The following CHUK variants were observed in gnomAD, a reference collection of about 807,000 sequenced individuals.
CHUK encodes inhibitor of nuclear factor kappa-B kinase subunit alpha.
CHUK carries 35 observed loss-of-function variants against 104.8 expected under a neutral mutation model. That is an observed-to-expected ratio of 0.33 (90% confidence interval 0.26 to 0.44). The LOEUF (loss-of-function observed/expected upper bound fraction) is 0.44, where lower values mean the gene tolerates loss of function less well. CHUK is among the 20% of genes least tolerant of loss of function. The pLI is 1.00. For synonymous variants in CHUK, 276 were observed against 291.9 expected (o/e 0.95, Z 0.56); for missense variants, 663 against 902.7 (o/e 0.73, Z 3.40).
chr10:100,191,762 C>T (rs1719949189), intron 19 of CHUK, among the ~76,000 whole-genome samples: 1 of 152,228 alleles, frequency 6.6e-6, no homozygotes, highest in South Asian at 2.1e-4. Flanking sequence ...TATGGTCAAA[C>T]AGTTCCCAAT....
At chr10:100,206,730 T>C (rs1845598902) in intron 11 of CHUK, among the ~76,000 whole-genome samples, 4 of 152,210 alleles carry the variant, frequency 2.6e-5, no homozygotes, top group South Asian at 2.1e-4. Context: ...AAAAGTAAGA[T>C]TACATACATT....
chr10:100,210,970 C>A (rs538125251), intron 9 of CHUK, among the ~76,000 whole-genome samples: 1 of 152,186 alleles, frequency 6.6e-6, no homozygotes, highest in African/African-American at 2.4e-5. Context: ...AAAAGCCATA[C>A]GAAATTAATG....
chr10:100,193,294 C>T lies in CHUK; in HGVS notation c.2108+4G>A. On this transcript the variant is annotated splice_donor_region_variant and intron_variant, in intron 19 of 20. Coordinates refer to ENST00000370397, the MANE Select transcript of CHUK (RefSeq NM_001278.5). ...AGCTATCTATTGTTACAAAGTAAAC[C>T]CACCCATCTTGAGGAGTTACCACAC... The T allele has an allele frequency of 1.2e-6, 2 of 1,614,038 alleles. No homozygotes were observed. The highest frequency in any genetic ancestry group is 1.1e-5 in the South Asian group (1 of 91,074).
intron 5 of CHUK, among the ~76,000 whole-genome samples, 154 bp downstream of exon 5, chr10:100,220,434 C>T (rs1016972577): frequency 1.3e-5 from 2 of 152,042 alleles, no homozygotes; most frequent in Admixed American, 6.5e-5. Flanking sequence ...GACAAAAAAA[C>T]TAAACACAAA....
intron 9 of CHUK, among the ~76,000 whole-genome samples, chr10:100,213,759 T>C (rs1171012839): frequency 1.3e-5 from 2 of 152,106 alleles, no homozygotes; most frequent in East Asian, 3.9e-4. Flanking sequence ...AGACCTCAAG[T>C]GATCTGCCTG....
chr10:100,229,408 C>A lies in CHUK; in HGVS notation c.105+20G>T, dbSNP rs922011402. 5 of 1,575,706 alleles carry A rather than the reference C, an allele frequency of 3.2e-6. No homozygotes were observed. The Middle Eastern group carries it at 6.7e-4, about 210-fold the overall frequency. Reference sequence around the variant, plus strand: ...CCGCCGCTCCAACCCACCGCCGCTCCCTCTCACGCCCCGCCTCACCCGATG... The same window carrying A: ...CCGCCGCTCCAACCCACCGCCGCTCACTCTCACGCCCCGCCTCACCCGATG... On this transcript the variant is annotated intron_variant, in intron 1 of 20. Transcript: ENST00000370397.
chr10:100,215,621 TC>T (rs1183074592), intron 9 of CHUK, among the ~76,000 whole-genome samples: 1 of 152,250 alleles, frequency 6.6e-6, no homozygotes, highest in East Asian at 1.9e-4. Flanking sequence ...CTAAAGATGT[TC>T]ATAATAAACA....
rs529652433 is a variant in CHUK at position 100,193,133 on chromosome 10, T to A, written c.2108+165A>T. ...CATTCCTGTTTTACAGGTGAGGAAA[T>A]ATGAACATCAAAAAAGTCAAGTAAG... is the stretch of plus-strand genomic sequence containing the variant. On this transcript the variant is annotated intron_variant, in intron 19 of 20. Coordinates refer to ENST00000370397, the MANE Select transcript of CHUK (RefSeq NM_001278.5). 1.8e-4 allele frequency: 134 copies of A among 730,602 alleles called. No homozygotes were observed. In the East Asian group the frequency reaches 3.5e-3, roughly 19 times the overall value. The allele number at this position is 730,602 out of a possible 1,614,324, so 45.3% of individuals were successfully genotyped here.
At chr10:100,199,836 T>C (rs2134214728) in intron 16 of CHUK, 135 bp downstream of exon 16, 1 of 725,814 alleles carries the variant, frequency 1.4e-6, no homozygotes, top group East Asian at 2.5e-5. Flanking sequence ...CATGTCTCAA[T>C]GGCAATACCA....
At chr10:100,201,262 G>A (rs1845455426) in intron 14 of CHUK, among the ~76,000 whole-genome samples, 1 of 152,128 alleles carries the variant, frequency 6.6e-6, no homozygotes, top group African/African-American at 2.4e-5. Context: ...ATTAAGGAGT[G>A]TAATAACTTA....
At chr10:100,192,056 T>C (rs981112347) in intron 19 of CHUK, among the ~76,000 whole-genome samples, 2 of 152,180 alleles carry the variant, frequency 1.3e-5, no homozygotes, top group African/African-American at 4.8e-5. Context: ...AGGCGGAGGT[T>C]GCAATGAGCC....
chr10:100,204,803 A>G, intron 12 of CHUK, 146 bp from the exon 13 acceptor site: 1 of 771,188 alleles, frequency 1.3e-6, no homozygotes. Context: ...TGAGCTCTAG[A>G]ATCTGATCTC....
In CHUK at chr10:100,189,594, C is replaced by T; in HGVS notation, c.*4G>A. ...AGGTTTGGGGACAGTGAACAAGTGA[C>T]AACTCATTCTGTTAACCAACTCCAA... On this transcript the variant is annotated 3_prime_UTR_variant, in exon 21 of 21. Transcript: ENST00000370397. The T allele has an allele frequency of 6.2e-7, 1 of 1,611,190 alleles. No individual in the cohort carries two copies. The highest frequency in any genetic ancestry group is 8.5e-7 in the Non-Finnish European group (1 of 1,177,398).
intron 9 of CHUK, among the ~76,000 whole-genome samples, chr10:100,215,483 AG>A (rs975462684): frequency 9.9e-5 from 15 of 152,092 alleles, no homozygotes; most frequent in African/African-American, 3.1e-4. Flanking sequence ...AACCAAGAAG[AG>A]ACTCAGAATA....
intron 14 of CHUK, among the ~76,000 whole-genome samples, chr10:100,201,298 A>AG (rs1448867646): frequency 1.3e-5 from 2 of 152,210 alleles, no homozygotes; most frequent in Non-Finnish European, 1.5e-5. Flanking sequence ...GTACAGGATA[A>AG]GGGGAAAAAA....
intron 13 of CHUK, among the ~76,000 whole-genome samples, chr10:100,203,058 G>A (rs1043293405): frequency 6.6e-6 from 1 of 152,016 alleles, no homozygotes; most frequent in Non-Finnish European, 1.5e-5. Flanking sequence ...CACCTGGCCA[G>A]AAAAGAAATT....
chr10:100,209,484 A>G, intron 10 of CHUK, 111 bp downstream of exon 10: 1 of 724,280 alleles, frequency 1.4e-6, no homozygotes, highest in Non-Finnish European at 2.5e-6. Flanking sequence ...GGACAAAACC[A>G]AAACAAAATG....
Position 100,220,678 on chromosome 10 carries a change from T to A in CHUK, c.386-2A>T. 6.3e-7 allele frequency: 1 copy of A among 1,587,450 alleles called. No individual in the cohort carries two copies. Among genetic ancestry groups the A allele is most frequent in the South Asian group, 1.1e-5 (1 of 90,468 alleles). On this transcript the variant is annotated splice_acceptor_variant, in intron 4 of 20. Coordinates refer to ENST00000370397, the MANE Select transcript of CHUK (RefSeq NM_001278.5). LOFTEE classifies it high-confidence loss of function. The stretch of plus-strand genomic sequence containing the variant: ...CATGCAAATATCGAATCCCAGACCC[T>A]AAATAAAGTTTAAAATATACTTTAA...
chr10:100,208,102 A>T (rs192701035), intron 10 of CHUK, among the ~76,000 whole-genome samples: 152 of 152,182 alleles, frequency 1.0e-3, no homozygotes, highest in African/African-American at 3.5e-3. Flanking sequence ...GGCTTCAAAT[A>T]CAAAAAGAAA....
Sources: allele counts gnomAD v4.1 joint callset (sites outside exome capture counted in the v4.1 genomes callset), GRCh38; gene constraint gnomAD v4.1.1; transcripts MANE v1.5; gene names NCBI Gene and HGNC (gene_info 2026-07-23, HGNC 2026-07-21).